Variants in FOXK1 observed in about 807,000 individuals in gnomAD.
FOXK1 encodes forkhead box K1, also known as forkhead box protein K1.
Under a neutral mutation model 51.9 loss-of-function variants are expected in FOXK1, and 19 were observed. That is an observed-to-expected ratio of 0.37 (90% CI 0.26 to 0.54). FOXK1 has a LOEUF of 0.54. Among genes scored for constraint, FOXK1 ranks in the 20% least tolerant of loss-of-function variants. The pLI, the probability that FOXK1 is intolerant of heterozygous loss-of-function variation, is 0.87. For missense variants in FOXK1, 870 were observed against 1,032.7 expected (o/e 0.84, Z 2.16); for synonymous variants, 537 against 482.6 (o/e 1.11, Z -1.48).
Position 4,755,415 on chromosome 7 carries a change from C to G in FOXK1, c.1050+32C>G. On this transcript the variant is annotated intron_variant, in intron 4 of 8. Coordinates refer to ENST00000328914, the MANE Select transcript of FOXK1 (RefSeq NM_001037165.2). The surrounding 1 kb of genome is among the most constrained non-coding windows in gnomAD (Gnocchi z 6.6). Reference sequence around the variant, plus strand: ...CCGAGTCCCCAGGGCCGGATCGCCTCTGAAGGCCCTTAGAACATGGAACTC... The same window carrying G: ...CCGAGTCCCCAGGGCCGGATCGCCTGTGAAGGCCCTTAGAACATGGAACTC... 2.5e-6 allele frequency: 4 copies of G among 1,610,914 alleles called. No homozygotes were observed. Among genetic ancestry groups the G allele is most frequent in the Non-Finnish European group, 3.4e-6 (4 of 1,178,526 alleles).
intron 1 of FOXK1, among the ~76,000 whole-genome samples, chr7:4,728,526 G>T (rs1780409665): frequency 1.3e-5 from 2 of 152,080 alleles, no homozygotes; most frequent in South Asian, 4.1e-4. Context: ...TGTGTGTACT[G>T]ACCCTCTGCC....
Position 4,730,853 on chromosome 7 carries a change from A to G in FOXK1, c.561-9985A>G, listed in dbSNP as rs1780442954. Among the ~76,000 whole-genome samples the G allele has an allele frequency of 6.6e-6, 1 of 152,170 alleles. No homozygotes were observed. The highest frequency in any genetic ancestry group is 2.4e-5 in the African/African-American group (1 of 41,444). On this transcript the variant is annotated intron_variant, in intron 1 of 8. Coordinates refer to ENST00000328914, the MANE Select transcript of FOXK1 (RefSeq NM_001037165.2). The surrounding 1 kb of genome is among the most constrained non-coding windows in gnomAD (Gnocchi z 4.7). Reference sequence around the variant, plus strand: ...GAATTCTCTGATTTGGGGATTTTATATGTTAACGTTTCTTTCAAAACCATT... The same window carrying G: ...GAATTCTCTGATTTGGGGATTTTATGTGTTAACGTTTCTTTCAAAACCATT...
intron 1 of FOXK1, among the ~76,000 whole-genome samples, chr7:4,737,439 CGTGTGTGTGCGTGCACGTGTGCATGT>C (rs1466131440): frequency 1.3e-5 from 2 of 149,980 alleles, no homozygotes; most frequent in African/African-American, 2.5e-5. Context: ...TGTGTGCATG[CGTGTGTGTGCGTGCACGTGTGCATGT>C]GTGTGTGTGC....
chr7:4,685,221 C>CTTTTTTTT (rs55891300), intron 1 of FOXK1, among the ~76,000 whole-genome samples: 3 of 102,616 alleles, frequency 2.9e-5, no homozygotes, highest in African/African-American at 3.5e-5. Context: ...GAGCTATTTG[C>CTTTTTTTT]TTTTTTTTTT....
At chr7:4,705,964 A>ATATATACG (rs1780087162) in intron 1 of FOXK1, among the ~76,000 whole-genome samples, 2 of 112,994 alleles carry the variant, frequency 1.8e-5, no homozygotes, top group African/African-American at 8.0e-5. Flanking sequence ...ATATATGTAT[A>ATATATACG]TATATATACG....
At chr7:4,744,909 A>G (rs1780682045) in intron 2 of FOXK1, among the ~76,000 whole-genome samples, 1 of 152,250 alleles carries the variant, frequency 6.6e-6, no homozygotes, top group Non-Finnish European at 1.5e-5. Flanking sequence ...TTCCATTGTT[A>G]CAATAAAAGC....
In FOXK1 at chr7:4,721,825, A is replaced by T. The variant is rs139736755; in HGVS notation, c.561-19013A>T. Among the ~76,000 whole-genome samples the T allele has an allele frequency of 1.3e-4, 20 of 152,132 alleles. No individual in the cohort carries two copies. In the East Asian group the frequency reaches 3.9e-3, roughly 29 times the overall value. On this transcript the variant is annotated intron_variant, in intron 1 of 8. Transcript: ENST00000328914. ...AGGCTGGTCTTGAACTCCTGACCTC[A>T]TGTGATCCTCCTGCCTCGGCCTCCC... is the stretch of plus-strand genomic sequence containing the variant.
intron 1 of FOXK1, among the ~76,000 whole-genome samples, chr7:4,717,735 G>A (rs1200865650): frequency 2.0e-5 from 3 of 152,150 alleles, no homozygotes; most frequent in Non-Finnish European, 4.4e-5. Flanking sequence ...TCATCTGCAC[G>A]AGGAGGCGCT....
At chr7:4,714,119 C>G (rs913923369) in intron 1 of FOXK1, among the ~76,000 whole-genome samples, 4 of 152,190 alleles carry the variant, frequency 2.6e-5, no homozygotes, top group African/African-American at 9.7e-5. Flanking sequence ...AGCCACTGTG[C>G]CCAGCCTCTT....
Position 4,769,326 on chromosome 7 carries a change from C to T in FOXK1, c.*6862C>T, listed in dbSNP as rs1332510581. The T allele has an allele frequency of 1.3e-5, 2 of 152,236 alleles. No homozygotes were observed. Among genetic ancestry groups the T allele is most frequent in the Admixed American group, 1.3e-4 (2 of 15,276 alleles). 9.4% of individuals were successfully genotyped at this position (152,236 alleles called of 1,614,324 possible). Reference sequence around the variant, plus strand: ...CACTGGCTGCGGAGGGCCCCCCGCCCCCATCCCGCTTCAGGCCCCAGTGAC... The same window carrying T: ...CACTGGCTGCGGAGGGCCCCCCGCCTCCATCCCGCTTCAGGCCCCAGTGAC... On this transcript the variant is annotated 3_prime_UTR_variant, in exon 9 of 9. Transcript: ENST00000328914. The surrounding 1 kb of genome is among the most constrained non-coding windows in gnomAD (Gnocchi z 4.1).
chr7:4,760,572 C>T (rs975319883), intron 7 of FOXK1, among the ~76,000 whole-genome samples: 7 of 152,188 alleles, frequency 4.6e-5, no homozygotes, highest in African/African-American at 1.7e-4. Context: ...TGTTCTAGGC[C>T]GGGCGCGGTG....
chr7:4,754,317 G>A (rs775306600), intron 2 of FOXK1, 142 bp from the exon 3 acceptor site: 68 of 916,440 alleles, frequency 7.4e-5, no homozygotes, highest in Non-Finnish European at 9.1e-5. Context: ...GACCTTGGCC[G>A]GGCAGTGTGG....
In FOXK1 at chr7:4,703,596, C is replaced by G. The variant is rs1159691777; in HGVS notation, c.560+20728C>G. On this transcript the variant is annotated intron_variant, in intron 1 of 8. Coordinates refer to ENST00000328914, the MANE Select transcript of FOXK1 (RefSeq NM_001037165.2). The surrounding 1 kb of genome is among the most constrained non-coding windows in gnomAD (Gnocchi z 5.6). ...GCTCATCTTAGGGTTGGGGACAGAA[C>G]ATCATTAAGAATTGTTTTTATATCT... is the stretch of plus-strand genomic sequence containing the variant. 1.3e-5 allele frequency among the ~76,000 whole-genome samples: 2 copies of G among 152,190 alleles called. No homozygotes were observed. The highest frequency in any genetic ancestry group is 2.9e-5 in the Non-Finnish European group (2 of 68,038).
At chr7:4,719,893 G>A (rs191048052) in intron 1 of FOXK1, among the ~76,000 whole-genome samples, 1 of 152,112 alleles carries the variant, frequency 6.6e-6, no homozygotes, top group Non-Finnish European at 1.5e-5. Context: ...TTTTTATACT[G>A]AATTTTGAGT....
chr7:4,721,963 T>C (rs1416013554), intron 1 of FOXK1, among the ~76,000 whole-genome samples: 2 of 152,252 alleles, frequency 1.3e-5, no homozygotes, highest in African/African-American at 2.4e-5. Flanking sequence ...CCCTTTCTCG[T>C]GCAGGAGTAA....
rs1378766042 is a variant in FOXK1 at position 4,758,915 on chromosome 7, C to T, written c.1245-136C>T. The T allele has an allele frequency of 2.6e-5, 24 of 928,830 alleles. No individual in the cohort carries two copies. Among genetic ancestry groups the T allele is most frequent in the Non-Finnish European group, 3.5e-5 (22 of 634,068 alleles). 57.5% of individuals were successfully genotyped at this position (928,830 alleles called of 1,614,324 possible). ...TTCAGGTTACGGGGGCGTTTCTCAC[C>T]GTCTGAATGCGGAGGACAGAGACGA... On this transcript the variant is annotated intron_variant, in intron 5 of 8. Transcript: ENST00000328914. The surrounding 1 kb of genome is among the most constrained non-coding windows in gnomAD (Gnocchi z 4.4).
In FOXK1 at chr7:4,770,947, CAT is replaced by C. The variant is rs1781092282; in HGVS notation, c.*8484_*8485del. The C allele has an allele frequency of 6.7e-6, 1 of 148,708 alleles. No individual in the cohort carries two copies. Among genetic ancestry groups the C allele is most frequent in the East Asian group, 2.0e-4 (1 of 5,044 alleles). 9.2% of individuals were successfully genotyped at this position (148,708 alleles called of 1,614,324 possible). A position where few individuals can be genotyped will look rare whatever the true frequency, so the allele number is the denominator to read the frequency against. ...CGCCTGTCTAAAGTATTTTTCACAA[CAT>C]GTTTGATAATCAGTGCTTTAAAAAG... On this transcript the variant is annotated 3_prime_UTR_variant, in exon 9 of 9. Transcript: ENST00000328914.
chr7:4,713,616 C>A (rs367697367), intron 1 of FOXK1, among the ~76,000 whole-genome samples: 29 of 151,800 alleles, frequency 1.9e-4, no homozygotes, highest in Non-Finnish European at 4.0e-4. Context: ...CTTAGCCTCC[C>A]GAGTTGCTGG....
At position 4,759,846 on chromosome 7, in the gene FOXK1, C is replaced by T. The variant is rs1207344975; in HGVS notation, c.1696+251C>T. 8.7e-6 allele frequency: 5 copies of T among 572,390 alleles called. No homozygotes were observed. The African/African-American group carries it at 9.5e-5, about 11-fold the overall frequency. The allele number at this position is 572,390 out of a possible 1,614,324, so 35.5% of individuals were successfully genotyped here. ...CGGAGTTCGAGGTCAGCCTGGCCAACATACTGAAACCCCGTCTCTACTGAA... is the reference window on the plus strand; with the variant it reads ...CGGAGTTCGAGGTCAGCCTGGCCAATATACTGAAACCCCGTCTCTACTGAA... On this transcript the variant is annotated intron_variant, in intron 7 of 8. Coordinates refer to ENST00000328914, the MANE Select transcript of FOXK1 (RefSeq NM_001037165.2).
Sources: allele counts gnomAD v4.1 joint callset (sites outside exome capture counted in the v4.1 genomes callset), GRCh38; gene constraint gnomAD v4.1.1; non-coding constraint Gnocchi (gnomAD v3.1); transcripts MANE v1.5; gene names NCBI Gene and HGNC (gene_info 2026-07-23, HGNC 2026-07-21).